Variants in USP9X observed in about 807,000 individuals in gnomAD.
The protein encoded by USP9X is ubiquitin specific peptidase 9 X-linked, also known as ubiquitin carboxyl-terminal hydrolase 9X.
In USP9X, 7 loss-of-function variants were observed where a neutral mutation model predicts 190.3. The ratio of observed to expected loss-of-function variants is 0.04; its 90% CI spans 0.02 to 0.07. The LOEUF (loss-of-function observed/expected upper bound fraction) is 0.07. Among genes scored for constraint, USP9X ranks in the 10% least tolerant of loss-of-function variants. The pLI, the probability that USP9X is intolerant of heterozygous loss-of-function variation, is 1.00. For missense variants in USP9X, 1,010 were observed against 1,916.9 expected (o/e 0.53, Z 8.83); for synonymous variants, 645 against 659.5 (o/e 0.98, Z 0.34).
At chrX:41,089,791 C>T (rs2061940199) in intron 1 of USP9X, among the ~76,000 whole-genome samples, 1 of 108,830 alleles carries the variant, frequency 9.2e-6, no homozygotes. Context: ...ATAACAATAA[C>T]AGACATTTAT....
intron 27 of USP9X, 65 bp downstream of exon 27, chrX:41,196,424 T>G (rs2062985221): frequency 8.6e-7 from 1 of 1,156,485 alleles, no homozygotes; most frequent in Non-Finnish European, 1.2e-6. Context: ...ATTCAGAAAT[T>G]TGTGGTTTTA....
intron 1 of USP9X, among the ~76,000 whole-genome samples, chrX:41,095,875 C>G (rs1395753676): frequency 9.0e-6 from 1 of 111,327 alleles, no homozygotes; most frequent in Non-Finnish European, 1.9e-5. Context: ...AACCGTTCTT[C>G]TGAAAGATAA....
intron 33 of USP9X, 113 bp from the exon 34 acceptor site, chrX:41,214,455 C>T (rs1057270157): frequency 1.1e-5 from 8 of 739,354 alleles, no homozygotes; most frequent in Admixed American, 5.2e-5. Flanking sequence ...GGACATGTAC[C>T]CTAGAACTTA....
At chrX:41,157,573 C>T (rs2062590241) in intron 14 of USP9X, among the ~76,000 whole-genome samples, 1 of 111,147 alleles carries the variant, frequency 9.0e-6, no homozygotes, top group Non-Finnish European at 1.9e-5. Flanking sequence ...TCACTATATC[C>T]CATAGCCATA....
chrX:41,182,449 C>T (rs1453307997), intron 21 of USP9X, among the ~76,000 whole-genome samples: 2 of 109,213 alleles, frequency 1.8e-5, no homozygotes, highest in Non-Finnish European at 3.8e-5. Flanking sequence ...CCCTTTGCCT[C>T]CATCCTTCAC....
chrX:41,217,081 T>C, intron 35 of USP9X, 139 bp from the exon 36 acceptor site: 1 of 658,927 alleles, frequency 1.5e-6, no homozygotes, highest in Non-Finnish European at 2.1e-6. Context: ...AATAAAAAAA[T>C]AAATGGGTCT....
chrX:41,233,444 T>C lies in USP9X; in HGVS notation c.*920T>C, dbSNP rs1215819888. On this transcript the variant is annotated 3_prime_UTR_variant, in exon 45 of 45. Coordinates refer to ENST00000378308, the MANE Select transcript of USP9X (RefSeq NM_001039591.3). ...AATTTTTAAAGATTTAAAACAAATATGCAAAAATTTGCTATGCCAAGATGC... is the reference window on the plus strand; with the variant it reads ...AATTTTTAAAGATTTAAAACAAATACGCAAAAATTTGCTATGCCAAGATGC... The C allele has an allele frequency of 1.8e-5, 2 of 112,584 alleles. No homozygotes were observed. The highest frequency in any genetic ancestry group is 9.5e-5 in the Admixed American group (1 of 10,581). The allele number at this position is 112,584 out of a possible 1,213,427, so 9.3% of individuals were successfully genotyped here.
chrX:41,114,584 G>A (rs1371736145), intron 1 of USP9X, among the ~76,000 whole-genome samples: 8 of 106,544 alleles, frequency 7.5e-5, no homozygotes, highest in African/African-American at 2.8e-4. Context: ...GAGTTCAAGC[G>A]ATTCTCTGCC....
At chrX:41,093,530 G>C (rs934548369) in intron 1 of USP9X, among the ~76,000 whole-genome samples, 4 of 111,619 alleles carry the variant, frequency 3.6e-5, no homozygotes, top group Non-Finnish European at 7.5e-5. Context: ...TTTTAATAGA[G>C]TTGGGGTTTC....
At chrX:41,201,366 A>T (rs1029017089) in intron 31 of USP9X, 86 bp downstream of exon 31, 1 of 910,852 alleles carries the variant, frequency 1.1e-6, no homozygotes, top group Non-Finnish European at 1.6e-6. Flanking sequence ...TTATACTTTC[A>T]TCAAACGTAT....
chrX:41,166,246 G>C (rs756752362), intron 16 of USP9X, 32 bp downstream of exon 16: 1 of 1,020,287 alleles, frequency 9.8e-7, no homozygotes, highest in South Asian at 2.5e-5. Context: ...TGTAAATGGT[G>C]TCTGATGTAC....
At chrX:41,197,787 G>A (rs765811699) in intron 29 of USP9X, among the ~76,000 whole-genome samples, 16 of 110,642 alleles carry the variant, frequency 1.4e-4, no homozygotes, top group East Asian at 5.7e-4. Context: ...GAGTCCAGTG[G>A]ATGGCTTGAG....
intron 24 of USP9X, among the ~76,000 whole-genome samples, chrX:41,187,695 C>G (rs942851118): frequency 1.8e-5 from 2 of 111,665 alleles, no homozygotes; most frequent in Admixed American, 9.5e-5. Context: ...GTGGCAGATG[C>G]CTGGACTTCC....
intron 26 of USP9X, among the ~76,000 whole-genome samples, chrX:41,190,432 C>T (rs993200941): frequency 9.0e-6 from 1 of 110,735 alleles, no homozygotes; most frequent in Non-Finnish European, 1.9e-5. Context: ...TCCAGTCCAG[C>T]CTATTCAGAA....
chrX:41,223,677 T>A (rs933464512), intron 39 of USP9X, among the ~76,000 whole-genome samples: 1 of 111,529 alleles, frequency 9.0e-6, no homozygotes, highest in East Asian at 2.8e-4. Flanking sequence ...CCTCAGGTGA[T>A]CTGCCGTCCT....
rs1242830869 is a variant in USP9X at position 41,139,700 on chromosome X, A to G, written c.655-956A>G. On this transcript the variant is annotated intron_variant, in intron 6 of 44. Transcript: ENST00000378308. Reference sequence around the variant, plus strand: ...ACAGAAAAAACTAGCATTAGCTATCATATTTTCTCTTTAAACAAACATTGA... The same window carrying G: ...ACAGAAAAAACTAGCATTAGCTATCGTATTTTCTCTTTAAACAAACATTGA... Among the ~76,000 whole-genome samples, 3 of 112,413 alleles carry G rather than the reference A, an allele frequency of 2.7e-5. 1 individual carries two copies. In the Admixed American group the frequency reaches 2.8e-4, roughly 11 times the overall value.
chrX:41,096,527 C>G (rs980500749), intron 1 of USP9X, among the ~76,000 whole-genome samples: 7 of 111,872 alleles, frequency 6.3e-5, no homozygotes, highest in Non-Finnish European at 9.4e-5. Context: ...AGTGCAACGT[C>G]TGCCTCCTGG....
chrX:41,126,623 G>A (rs1349629344), intron 2 of USP9X, among the ~76,000 whole-genome samples: 1 of 111,675 alleles, frequency 9.0e-6, no homozygotes, highest in Non-Finnish European at 1.9e-5. Context: ...TCTACATTGT[G>A]TTCTTTTTCT....
intron 41 of USP9X, 114 bp downstream of exon 41, chrX:41,225,251 A>G: frequency 1.6e-6 from 1 of 614,850 alleles, no homozygotes; most frequent in Non-Finnish European, 2.5e-6. Flanking sequence ...TGAATGTTTT[A>G]TCTTAAACCT....
Sources: allele counts gnomAD v4.1 joint callset (sites outside exome capture counted in the v4.1 genomes callset), GRCh38; gene constraint gnomAD v4.1.1; transcripts MANE v1.5; gene names NCBI Gene and HGNC (gene_info 2026-07-23, HGNC 2026-07-21).